Variants in RANBP2 observed in about 807,000 individuals in gnomAD.
RANBP2 encodes RAN binding protein 2.
A neutral mutation model predicts 303.6 loss-of-function variants in RANBP2; 57 were observed. The ratio of observed to expected loss-of-function variants is 0.19; its 90% CI spans 0.15 to 0.23. RANBP2 has a LOEUF of 0.23. Ranked by LOEUF, RANBP2 falls within the 10% of genes least tolerant of loss-of-function variation. The pLI, the probability that RANBP2 is intolerant of heterozygous loss-of-function variation, is 1.00. For synonymous variants in RANBP2, 1,167 were observed against 1,301.5 expected (o/e 0.90, Z 2.23); for missense variants, 3,138 against 3,780.8 (o/e 0.83, Z 4.46).
intron 23 of RANBP2, 55 bp downstream of exon 23, chr2:108,773,101 G>C: frequency 6.7e-7 from 1 of 1,494,582 alleles, no homozygotes; most frequent in Non-Finnish European, 9.2e-7. Context: ...TGTTGATGCA[G>C]TAAACTTTAG....
the RANBP2 span, among the ~76,000 whole-genome samples, chr2:109,518,068 G>A: frequency 1.3e-5 from 2 of 152,252 alleles, no homozygotes; most frequent in African/African-American, 4.8e-5. Flanking sequence ...CAGCCATGAA[G>A]CCACAAGCTA....
chr2:109,525,828 C>T, the RANBP2 span, among the ~76,000 whole-genome samples: 2 of 152,280 alleles, frequency 1.3e-5, no homozygotes, highest in South Asian at 2.1e-4. Flanking sequence ...GATGTGGCTC[C>T]GAGTTTCCTC....
At chr2:109,416,904 CAA>C in the RANBP2 span, among the ~76,000 whole-genome samples, 733 of 64,358 alleles carry the variant, frequency 0.011, 5 homozygotes, top group Admixed American at 0.02. Flanking sequence ...GACTTCATCT[CAA>C]AAAAAAAAAA....
At chr2:109,078,481 A>G in the RANBP2 span, among the ~76,000 whole-genome samples, 1 of 148,876 alleles carries the variant, frequency 6.7e-6, no homozygotes, top group African/African-American at 2.4e-5. Flanking sequence ...AGAGAGTAGA[A>G]TAATGGTTAC....
downstream of RANBP2, among the ~76,000 whole-genome samples, chr2:108,790,314 A>G (rs1679697168): frequency 6.6e-6 from 1 of 152,164 alleles, no homozygotes; most frequent in South Asian, 2.1e-4. Context: ...GAGTTTTATC[A>G]TTTTTTATAT....
At chr2:109,336,905 C>A in the RANBP2 span, among the ~76,000 whole-genome samples, 2 of 152,206 alleles carry the variant, frequency 1.3e-5, no homozygotes, top group Non-Finnish European at 2.9e-5. Context: ...TGTCCCAGAG[C>A]AAAGGGCAGT....
chr2:109,599,739 G>C, the RANBP2 span, among the ~76,000 whole-genome samples: 1 of 152,086 alleles, frequency 6.6e-6, no homozygotes, highest in African/African-American at 2.4e-5. Flanking sequence ...TCATATAAAA[G>C]AGTTAAGAGT....
At chr2:109,724,779 T>C in the RANBP2 span, among the ~76,000 whole-genome samples, 2 of 152,138 alleles carry the variant, frequency 1.3e-5, no homozygotes, top group Non-Finnish European at 2.9e-5. Context: ...AGTCAGGACT[T>C]TGTGGCAGGA....
the RANBP2 span, among the ~76,000 whole-genome samples, chr2:109,644,300 C>T: frequency 2.1e-4 from 32 of 151,902 alleles, 1 homozygote; most frequent in East Asian, 4.8e-3. Flanking sequence ...GAGTGAGACT[C>T]GTCTCAAAAA....
At chr2:109,432,798 G>A in the RANBP2 span, 1 of 1,311,316 alleles carries the variant, frequency 7.6e-7, no homozygotes. Flanking sequence ...CCAGTGCCCA[G>A]GGTTCAGCCC....
chr2:109,726,763 C>A, the RANBP2 span, among the ~76,000 whole-genome samples: 3 of 152,324 alleles, frequency 2.0e-5, no homozygotes, highest in South Asian at 6.2e-4. Flanking sequence ...GAGCCACACC[C>A]TCCGGCCCAC....
chr2:108,830,044 A>G, the RANBP2 span, among the ~76,000 whole-genome samples: 1 of 152,226 alleles, frequency 6.6e-6, no homozygotes, highest in Non-Finnish European at 1.5e-5. Context: ...GGATGAGTGG[A>G]TAAACAAGAT....
chr2:108,805,777 CATAA>C, the RANBP2 span, among the ~76,000 whole-genome samples: 3 of 151,956 alleles, frequency 2.0e-5, no homozygotes, highest in Non-Finnish European at 2.9e-5. Context: ...AGTTGCATAA[CATAA>C]ATAGTTTTGT....
chr2:109,430,303 A>C, the RANBP2 span, among the ~76,000 whole-genome samples: 2 of 152,200 alleles, frequency 1.3e-5, no homozygotes, highest in African/African-American at 4.8e-5. Context: ...TTTACACTCA[A>C]TTGTATTTCT....
chr2:109,689,486 C>T, the RANBP2 span, among the ~76,000 whole-genome samples: 1 of 152,224 alleles, frequency 6.6e-6, no homozygotes, highest in South Asian at 2.1e-4. Context: ...CAGCTTTATC[C>T]TATGCTAGCA....
the RANBP2 span, among the ~76,000 whole-genome samples, chr2:109,289,015 G>A: frequency 2.6e-5 from 4 of 152,168 alleles, no homozygotes; most frequent in Non-Finnish European, 4.4e-5. Flanking sequence ...AATGAAAATG[G>A]CATTGTGTTG....
At chr2:109,571,550 T>A in the RANBP2 span, among the ~76,000 whole-genome samples, 20 of 152,190 alleles carry the variant, frequency 1.3e-4, no homozygotes, top group Admixed American at 3.3e-4. Context: ...TATCTAAACA[T>A]ATCTAAACAC....
the RANBP2 span, chr2:109,491,005 G>A: frequency 1.4e-5 from 19 of 1,352,918 alleles, no homozygotes; most frequent in South Asian, 7.1e-5. Context: ...AGCCACCTTC[G>A]GGGAGCAGGG....
chr2:109,137,054 T>G, the RANBP2 span, among the ~76,000 whole-genome samples: 2 of 152,216 alleles, frequency 1.3e-5, no homozygotes, highest in Non-Finnish European at 2.9e-5. Flanking sequence ...AGCGATTGCA[T>G]TGGTCTCTAT....
Sources: allele counts gnomAD v4.1 joint callset (sites outside exome capture counted in the v4.1 genomes callset), GRCh38; gene constraint gnomAD v4.1.1; transcripts MANE v1.5; gene names NCBI Gene and HGNC (gene_info 2026-07-23, HGNC 2026-07-21).